DLG2: variants seen among roughly 807,000 people sequenced by gnomAD.
DLG2 encodes discs large MAGUK scaffold protein 2.
DLG2 carries 45 observed loss-of-function variants against 132.5 expected under a neutral mutation model. The ratio of observed to expected loss-of-function variants is 0.34; its 90% CI spans 0.27 to 0.44. The LOEUF (loss-of-function observed/expected upper bound fraction) is 0.44, where lower values mean the gene tolerates loss of function less well. Among genes scored for constraint, DLG2 ranks in the 20% least tolerant of loss-of-function variants. DLG2 has a pLI of 1.00. For synonymous variants in DLG2, 424 were observed against 419.6 expected, an observed-to-expected ratio of 1.01 and a Z score of -0.13; for missense variants, 1,045 against 1,196.9, an observed-to-expected ratio of 0.87 and a Z score of 1.87.
intron 3 of DLG2, among the ~76,000 whole-genome samples, chr11:85,321,980 A>G (rs2081101998): frequency 6.6e-6 from 1 of 152,062 alleles, no homozygotes; most frequent in South Asian, 2.1e-4. Flanking sequence ...AGGCTATAAG[A>G]ATCAACCAGG....
At chr11:83,555,791 A>C (rs1300653323) in intron 19 of DLG2, among the ~76,000 whole-genome samples, 3 of 152,200 alleles carry the variant, frequency 2.0e-5, no homozygotes, top group Non-Finnish European at 4.4e-5. Flanking sequence ...TCAATCTAGT[A>C]CTTAGTTCCC....
chr11:84,981,399 T>A (rs950115272), intron 6 of DLG2, among the ~76,000 whole-genome samples: 11 of 152,100 alleles, frequency 7.2e-5, no homozygotes, highest in Admixed American at 2.6e-4. Context: ...ACTGAGGGGC[T>A]ATAGGAAGCA....
At chr11:85,163,098 T>C (rs1312071727) in intron 4 of DLG2, among the ~76,000 whole-genome samples, 1 of 152,130 alleles carries the variant, frequency 6.6e-6, no homozygotes, top group African/African-American at 2.4e-5. Flanking sequence ...GACATCAGAC[T>C]AGAAGTTCTT....
chr11:85,049,459 A>G (rs1159062476), intron 6 of DLG2, among the ~76,000 whole-genome samples: 2 of 152,016 alleles, frequency 1.3e-5, no homozygotes, highest in African/African-American at 2.4e-5. Flanking sequence ...AAATTCCTCA[A>G]TCTGAACATT....
At position 84,595,485 on chromosome 11, in the gene DLG2, T is replaced by TAAA. The variant is rs111591484; in HGVS notation, c.358-60757_358-60755dup. ...CATAAAAAGGTAAATTTCCTTTTTCTAAAAAAAAAAAAAAGCTTATTTGTT... is the reference window on the plus strand; with the variant it reads ...CATAAAAAGGTAAATTTCCTTTTTCTAAAAAAAAAAAAAAAAAGCTTATTTGTT... On this transcript the variant is annotated intron_variant, in intron 6 of 27. Coordinates refer to ENST00000376104, the MANE Select transcript of DLG2 (RefSeq NM_001142699.3). Among the ~76,000 whole-genome samples, 1,050 of 135,786 alleles carry TAAA rather than the reference T, an allele frequency of 7.7e-3. 12 individuals carry two copies. The highest frequency in any genetic ancestry group is 0.015 in the Admixed American group (202 of 13,710). 89.1% of individuals were successfully genotyped at this position (135,786 alleles called of 152,430 possible).
chr11:85,076,943 C>A (rs758118213), intron 6 of DLG2, among the ~76,000 whole-genome samples: 12 of 152,010 alleles, frequency 7.9e-5, no homozygotes, highest in Non-Finnish European at 1.3e-4. Flanking sequence ...AATGAAGACA[C>A]CCATTAATTC....
At chr11:84,836,736 A>T (rs1003261600) in intron 6 of DLG2, among the ~76,000 whole-genome samples, 2 of 151,838 alleles carry the variant, frequency 1.3e-5, no homozygotes, top group African/African-American at 4.8e-5. Flanking sequence ...ATTTCTAACA[A>T]CCTATAATGT....
At chr11:85,507,016 T>C (rs2093951328) in intron 3 of DLG2, among the ~76,000 whole-genome samples, 1 of 152,172 alleles carries the variant, frequency 6.6e-6, no homozygotes, top group South Asian at 2.1e-4. Flanking sequence ...GTCTGTTTTA[T>C]CAGACTGGGA....
intron 3 of DLG2, among the ~76,000 whole-genome samples, chr11:85,579,886 G>A (rs1590971320): frequency 6.6e-6 from 1 of 152,110 alleles, no homozygotes; most frequent in South Asian, 2.1e-4. Context: ...CTGTGAAGGG[G>A]TTCACAGAAA....
chr11:83,582,891 G>C (rs1327408959), intron 19 of DLG2, among the ~76,000 whole-genome samples: 1 of 152,172 alleles, frequency 6.6e-6, no homozygotes, highest in African/African-American at 2.4e-5. Flanking sequence ...TTGCTAAAAA[G>C]TATAACAACC....
chr11:85,098,133 C>G (rs1264894277), intron 6 of DLG2, among the ~76,000 whole-genome samples: 1 of 152,172 alleles, frequency 6.6e-6, no homozygotes, highest in African/African-American at 2.4e-5. Context: ...CATTCAATCA[C>G]AGAGATGACT....
At chr11:84,628,123 T>TATAC (rs1565495451) in intron 6 of DLG2, among the ~76,000 whole-genome samples, 1 of 140,912 alleles carries the variant, frequency 7.1e-6, no homozygotes, top group Non-Finnish European at 1.6e-5. Flanking sequence ...TATATATATA[T>TATAC]ACACACATAT....
intron 6 of DLG2, among the ~76,000 whole-genome samples, chr11:84,989,928 T>C (rs2056898373): frequency 6.6e-6 from 1 of 152,300 alleles, no homozygotes; most frequent in East Asian, 1.9e-4. Flanking sequence ...CTGGAGCAAT[T>C]GGACATCTAA....
At chr11:84,184,136 C>T (rs2096219185) in intron 8 of DLG2, among the ~76,000 whole-genome samples, 1 of 152,172 alleles carries the variant, frequency 6.6e-6, no homozygotes, top group Non-Finnish European at 1.5e-5. Context: ...TTCTAGATCC[C>T]TGAGGAATCG....
At position 83,774,168 on chromosome 11, in the gene DLG2, G is replaced by A. The variant is rs76332911; in HGVS notation, c.1825+12522C>T. Among the ~76,000 whole-genome samples, 958 of 152,244 alleles carry A rather than the reference G, an allele frequency of 6.3e-3. 6 individuals carry two copies. Among genetic ancestry groups the A allele is most frequent in the African/African-American group, 0.021 (874 of 41,544 alleles). On this transcript the variant is annotated intron_variant, in intron 18 of 27. Transcript: ENST00000376104. ...TTTATTTGAAACTTCCACACAGGGC[G>A]TTATCTCCACATCAGTTTTGATACT...
At chr11:85,018,156 A>G (rs2059724248) in intron 6 of DLG2, among the ~76,000 whole-genome samples, 1 of 152,224 alleles carries the variant, frequency 6.6e-6, no homozygotes, top group Non-Finnish European at 1.5e-5. Flanking sequence ...TGGAACTCCC[A>G]TATTCTTGAA....
At chr11:84,483,785 T>A (rs1408731364) in intron 7 of DLG2, among the ~76,000 whole-genome samples, 3 of 152,186 alleles carry the variant, frequency 2.0e-5, no homozygotes, top group Non-Finnish European at 4.4e-5. Flanking sequence ...GGTTTCCAGG[T>A]CAACAAGACC....
At chr11:85,181,347 C>A (rs922237547) in intron 4 of DLG2, among the ~76,000 whole-genome samples, 8 of 151,566 alleles carry the variant, frequency 5.3e-5, no homozygotes, top group African/African-American at 1.9e-4. Context: ...CACTTACACC[C>A]TTTTAGTTAT....
intron 6 of DLG2, among the ~76,000 whole-genome samples, chr11:84,985,618 A>G (rs2056375312): frequency 1.3e-5 from 2 of 152,130 alleles, no homozygotes; most frequent in Admixed American, 1.3e-4. Context: ...AAGAAAGGAA[A>G]TAACCAAGAT....
Sources: gnomAD v4.1 joint callset for allele counts (sites outside exome capture counted in the v4.1 genomes callset) on GRCh38, gnomAD v4.1.1 for gene constraint, MANE v1.5 for transcripts, NCBI Gene and HGNC (gene_info 2026-07-23, HGNC 2026-07-21) for gene names.